CAMK4: variants seen among roughly 807,000 people sequenced by gnomAD.
The protein encoded by CAMK4 is calcium/calmodulin-dependent protein kinase type IV.
A neutral mutation model predicts 44.9 loss-of-function variants in CAMK4; 22 were observed. That is an observed-to-expected ratio of 0.49 (90% CI 0.35 to 0.70). The LOEUF (loss-of-function observed/expected upper bound fraction) is 0.70. CAMK4 is among the 30% of genes least tolerant of loss of function. The pLI is 0.01. For missense variants in CAMK4, 498 were observed against 586.8 expected, an observed-to-expected ratio of 0.85 and a Z score of 1.56; for synonymous variants, 218 against 215.4, an observed-to-expected ratio of 1.01 and a Z score of -0.11.
Position 111,484,085 on chromosome 5 carries a change from C to A in CAMK4, c.1041C>A (p.Gly347=), listed in dbSNP as rs1326727213. The part of the protein sequence containing the change: ...SRLGSASSSH[G]SIQESHKASR... ...TGGGAAGTGCCAGCAGCAGCCATGG[C>A]AGCATCCAGGAGAGCCACAAGGCTA... The change falls in exon 11 of 11, where the codon GGC becomes GGA. Residue 347 remains glycine, a synonymous_variant. Coordinates refer to ENST00000282356, the MANE Select transcript of CAMK4 (RefSeq NM_001744.6). The surrounding 1 kb of genome is among the most constrained non-coding windows in gnomAD (Gnocchi z 5.3). 3.1e-6 allele frequency: 5 copies of A among 1,612,244 alleles called. No individual in the cohort carries two copies. Among genetic ancestry groups the A allele is most frequent in the Non-Finnish European group, 4.2e-6 (5 of 1,179,062 alleles).
chr5:111,473,378 C>T lies in CAMK4; in HGVS notation c.693C>T (p.Thr231=). 6.3e-7 allele frequency: 1 copy of T among 1,596,370 alleles called. No homozygotes were observed. Among genetic ancestry groups the T allele is most frequent in the Non-Finnish European group, 8.6e-7 (1 of 1,164,588 alleles). Residue 231 remains threonine (T), a synonymous_variant, in exon 8 of 11, where the codon ACC becomes ACT. Transcript: ENST00000282356. ...ACATGTGGTCTGTAGGAATAATCAC[C>T]TACATCTTGTAAGTGAAGAAAAGCA... The part of the protein sequence containing the change: ...EVDMWSVGII[T]YILLCGFEPF...
At chr5:111,378,026 T>C (rs1282143978) in intron 4 of CAMK4, among the ~76,000 whole-genome samples, 1 of 152,116 alleles carries the variant, frequency 6.6e-6, no homozygotes, top group Non-Finnish European at 1.5e-5. Context: ...TCTGAATGTT[T>C]GTGTGCCCCC....
At chr5:111,279,685 T>C (rs1750922956) in intron 1 of CAMK4, among the ~76,000 whole-genome samples, 1 of 151,420 alleles carries the variant, frequency 6.6e-6, no homozygotes, top group Non-Finnish European at 1.5e-5. Context: ...GTACTCATTA[T>C]ATTGCTTTTT....
chr5:111,447,944 A>G (rs1754085675), intron 6 of CAMK4, among the ~76,000 whole-genome samples: 1 of 152,250 alleles, frequency 6.6e-6, no homozygotes, highest in Non-Finnish European at 1.5e-5. Context: ...TCCTTAAAGC[A>G]ATTTCTTTAA....
chr5:111,473,180 T>C, intron 7 of CAMK4, 131 bp from the exon 8 acceptor site: 1 of 719,580 alleles, frequency 1.4e-6, no homozygotes, highest in African/African-American at 1.8e-5. Context: ...TACTGTGGTT[T>C]GGGGAGAGAA....
chr5:111,240,414 T>A (rs754783909), intron 1 of CAMK4, among the ~76,000 whole-genome samples: 1 of 152,218 alleles, frequency 6.6e-6, no homozygotes, highest in African/African-American at 2.4e-5. Context: ...ATTTAAATGA[T>A]GTTACTATTA....
intron 1 of CAMK4, among the ~76,000 whole-genome samples, chr5:111,259,513 A>T (rs1487997556): frequency 6.6e-6 from 1 of 152,226 alleles, no homozygotes; most frequent in Non-Finnish European, 1.5e-5. Context: ...CCAACAGCTC[A>T]TTGGAAATGA....
At chr5:111,393,580 G>A (rs1751888187) in intron 4 of CAMK4, among the ~76,000 whole-genome samples, 1 of 152,078 alleles carries the variant, frequency 6.6e-6, no homozygotes, top group African/African-American at 2.4e-5. Flanking sequence ...TCCTATGAAG[G>A]GACATGGATG....
rs73786860 is a variant in CAMK4, at chr5:111,262,459, G to A, written c.161+37815G>A. ...TTCTTGAGAAAGACATTCCTGGGTT[G>A]TAGAATATTTATGTCTTAAAGTAGC... is the stretch of plus-strand genomic sequence containing the variant. On this transcript the variant is annotated intron_variant, in intron 1 of 10. Coordinates refer to ENST00000282356, the MANE Select transcript of CAMK4 (RefSeq NM_001744.6). 9.4e-3 allele frequency among the ~76,000 whole-genome samples: 1,427 copies of A among 152,210 alleles called. 21 individuals are homozygous for A. The highest frequency in any genetic ancestry group is 0.033 in the African/African-American group (1,366 of 41,522).
chr5:111,279,208 G>A (rs766284786), intron 1 of CAMK4, among the ~76,000 whole-genome samples: 3 of 152,162 alleles, frequency 2.0e-5, no homozygotes, highest in Non-Finnish European at 2.9e-5. Flanking sequence ...CTGAGAAGTC[G>A]GGATAGAATG....
intron 2 of CAMK4, among the ~76,000 whole-genome samples, chr5:111,359,703 T>C (rs1247683377): frequency 6.6e-6 from 1 of 152,108 alleles, no homozygotes; most frequent in African/African-American, 2.4e-5. Flanking sequence ...TTCCAGAGTT[T>C]TTATAGTTTT....
At chr5:111,322,243 G>A (rs1748693877) in intron 1 of CAMK4, among the ~76,000 whole-genome samples, 1 of 151,992 alleles carries the variant, frequency 6.6e-6, no homozygotes, top group Non-Finnish European at 1.5e-5. Context: ...GAAGCTGAGA[G>A]GTAACAGAGA....
At chr5:111,311,360 A>G (rs1748195656) in intron 1 of CAMK4, among the ~76,000 whole-genome samples, 1 of 152,214 alleles carries the variant, frequency 6.6e-6, no homozygotes, top group African/African-American at 2.4e-5. Flanking sequence ...TTCTTGTATT[A>G]GCATACTATA....
intron 1 of CAMK4, among the ~76,000 whole-genome samples, chr5:111,233,123 C>T (rs1050312927): frequency 1.1e-4 from 17 of 152,140 alleles, no homozygotes; most frequent in Non-Finnish European, 1.5e-4. Context: ...GAAAATCAAA[C>T]GGCTCCTAGG....
At chr5:111,407,697 A>T (rs1752486859) in intron 5 of CAMK4, among the ~76,000 whole-genome samples, 1 of 152,206 alleles carries the variant, frequency 6.6e-6, no homozygotes, top group Admixed American at 6.5e-5. Context: ...ATGCTCTGAA[A>T]AGCTGAAATC....
intron 1 of CAMK4, among the ~76,000 whole-genome samples, chr5:111,284,893 A>C (rs1433906651): frequency 1.3e-5 from 2 of 152,158 alleles, no homozygotes; most frequent in Admixed American, 6.5e-5. Context: ...AAAAAGAGAT[A>C]TCTCCTTCTA....
intron 2 of CAMK4, among the ~76,000 whole-genome samples, chr5:111,360,437 C>A (rs1004617056): frequency 6.6e-6 from 1 of 152,082 alleles, no homozygotes; most frequent in African/African-American, 2.4e-5. Context: ...TGCTCACTGG[C>A]TCTATGGGAG....
chr5:111,449,035 A>G (rs1210708997), intron 6 of CAMK4, 94 bp from the exon 7 acceptor site: 5 of 585,798 alleles, frequency 8.5e-6, no homozygotes, highest in Middle Eastern at 2.7e-4. Context: ...GAAAGCAAAT[A>G]GATAAATAAG....
At chr5:111,410,385 C>A (rs577656540) in intron 5 of CAMK4, among the ~76,000 whole-genome samples, 1 of 152,150 alleles carries the variant, frequency 6.6e-6, no homozygotes, top group African/African-American at 2.4e-5. Flanking sequence ...GGGAACTGCC[C>A]CCAAGATTCA....
Sources: gnomAD v4.1 joint callset for allele counts (sites outside exome capture counted in the v4.1 genomes callset) on GRCh38, gnomAD v4.1.1 for gene constraint, Gnocchi (gnomAD v3.1) non-coding constraint, MANE v1.5 for transcripts, NCBI Gene and HGNC (gene_info 2026-07-23, HGNC 2026-07-21) for gene names.